The following YTHDF3 variants were observed in gnomAD, a reference collection of about 807,000 sequenced individuals.
YTHDF3 encodes YTH domain-containing family protein 3.
In YTHDF3, 9 loss-of-function variants were observed where a neutral mutation model predicts 52.5. The observed-to-expected ratio is 0.17, with a 90% CI of 0.10 to 0.30. The LOEUF is 0.30. Ranked by LOEUF, YTHDF3 falls within the 10% of genes least tolerant of loss-of-function variation. The probability of loss-of-function intolerance (pLI) is 1.00; values close to 1 mark genes in which losing one functional copy is unlikely to be tolerated. For synonymous variants in YTHDF3, 274 were observed against 243.3 expected (o/e 1.13, Z -1.18); for missense variants, 534 against 715.0 (o/e 0.75, Z 2.89).
chr8:63,180,069 G>A (rs1299635618), intron 3 of YTHDF3, among the ~76,000 whole-genome samples: 1 of 146,232 alleles, frequency 6.8e-6, no homozygotes, highest in African/African-American at 2.5e-5. Context: ...GCTGGGCGGG[G>A]GGCTGACCCC....
intron 4 of YTHDF3, among the ~76,000 whole-genome samples, chr8:63,195,731 C>CGTGT (rs61277098): frequency 0.25 from 36,118 of 145,156 alleles, 4,953 homozygotes; most frequent in Non-Finnish European, 0.33. Flanking sequence ...CATGTATTTA[C>CGTGT]GTGTGTGTGT....
At chr8:63,170,354 T>C (rs534412838) in intron 2 of YTHDF3, among the ~76,000 whole-genome samples, 2 of 152,310 alleles carry the variant, frequency 1.3e-5, no homozygotes, top group African/African-American at 4.8e-5. Context: ...AGGGTATTTA[T>C]TTGCTATTGC....
rs374732701 is a variant in YTHDF3, at chr8:63,184,720, TTGAC to T, written c.136-1424_136-1421del. Among the ~76,000 whole-genome samples, 836 of 152,356 alleles carry T rather than the reference TTGAC, an allele frequency of 5.5e-3. 3 individuals carry two copies. The highest frequency in any genetic ancestry group is 0.019 in the African/African-American group (786 of 41,592). On this transcript the variant is annotated intron_variant, in intron 3 of 4. Coordinates refer to ENST00000539294, the MANE Select transcript of YTHDF3 (RefSeq NM_152758.6). ...GTTAAGAACTTTACTCCAAAGAACT[TTGAC>T]TGTCTCTGTAAATTAGCCTTCAAAA...
intron 3 of YTHDF3, chr8:63,175,686 T>TTG (rs989438098): frequency 1.9e-5 from 5 of 257,752 alleles, no homozygotes; most frequent in Non-Finnish European, 3.8e-5. Context: ...GTTAGGTTTT[T>TTG]TGTGTGTGTG....
Position 63,186,712 on chromosome 8 carries a change from A to C in YTHDF3, c.701A>C (p.Lys234Thr). Reference protein sequence around the residue: ...SVPPVSSAAPKPTSWAAIARK... With the variant: ...SVPPVSSAAPTPTSWAAIARK... Reference sequence around the variant, plus strand: ...CCCCCAGTTAGCAGTGCAGCACCTAAACCAACCTCCTGGGCTGCCATTGCC... The same window carrying C: ...CCCCCAGTTAGCAGTGCAGCACCTACACCAACCTCCTGGGCTGCCATTGCC... The change falls in exon 4 of 5, where the codon AAA becomes ACA. Residue 234 changes from lysine to threonine, a missense_variant. Around this residue, in one of 3 missense-constraint regions of YTHDF3, gnomAD observed 196 missense variants for 299.5 expected, o/e 0.65. Transcript: ENST00000539294. 6.2e-7 allele frequency: 1 copy of C among 1,613,918 alleles called. No homozygotes were observed. The highest frequency in any genetic ancestry group is 8.5e-7 in the Non-Finnish European group (1 of 1,179,870).
chr8:63,204,898 A>C (rs1809913002), intron 4 of YTHDF3, among the ~76,000 whole-genome samples: 1 of 152,232 alleles, frequency 6.6e-6, no homozygotes, highest in African/African-American at 2.4e-5. Context: ...ATTACAAGGA[A>C]AATAAGTCAT....
At chr8:63,176,720 C>T (rs765319087) in intron 3 of YTHDF3, among the ~76,000 whole-genome samples, 44 of 151,450 alleles carry the variant, frequency 2.9e-4, no homozygotes, top group Non-Finnish European at 5.4e-4. Flanking sequence ...TTTTGTTGCC[C>T]AGGCTGGAGT....
At chr8:63,187,939 C>T (rs1464655794) in intron 4 of YTHDF3, among the ~76,000 whole-genome samples, 194 bp downstream of exon 4, 3 of 152,136 alleles carry the variant, frequency 2.0e-5, no homozygotes, top group Non-Finnish European at 2.9e-5. Flanking sequence ...GTAACTCACG[C>T]TGAGTTAGCC....
At chr8:63,208,399 T>A (rs1484514748) in intron 4 of YTHDF3, among the ~76,000 whole-genome samples, 2 of 152,216 alleles carry the variant, frequency 1.3e-5, no homozygotes, top group Non-Finnish European at 2.9e-5. Flanking sequence ...AGAACATGTT[T>A]TACTCATGCA....
chr8:63,178,313 T>C (rs1404951229), intron 3 of YTHDF3, among the ~76,000 whole-genome samples: 1 of 152,190 alleles, frequency 6.6e-6, no homozygotes, highest in East Asian at 1.9e-4. Context: ...GTGTAGCAAC[T>C]AGCACTGTGG....
In YTHDF3 at chr8:63,168,975, C is replaced by G. The variant is rs566352511; in HGVS notation, c.24+74C>G. Reference sequence around the variant, plus strand: ...TCCACCCTCGCGCGGGGCTTCGGCTCCTCCCCGTCGCCGCCGCTGCCGGCC... The same window carrying G: ...TCCACCCTCGCGCGGGGCTTCGGCTGCTCCCCGTCGCCGCCGCTGCCGGCC... On this transcript the variant is annotated intron_variant, in intron 1 of 4. Transcript: ENST00000539294. 3.5e-4 allele frequency: 529 copies of G among 1,521,904 alleles called. 4 individuals are homozygous for G. The African/African-American group carries it at 6.7e-3, about 19-fold the overall frequency. The allele number at this position is 1,521,904 out of a possible 1,614,324, so 94.3% of individuals were successfully genotyped here. A position where few individuals can be genotyped will look rare whatever the true frequency, so the allele number is the denominator to read the frequency against.
At position 63,210,658 on chromosome 8, in the gene YTHDF3, T is replaced by C. The variant is rs1391839414; in HGVS notation, c.*952T>C. 1 of 152,608 alleles carries C rather than the reference T, an allele frequency of 6.6e-6. No individual in the cohort carries two copies. The highest frequency in any genetic ancestry group is 1.5e-5 in the Non-Finnish European group (1 of 68,000). 9.5% of individuals were successfully genotyped at this position (152,608 alleles called of 1,614,324 possible). On this transcript the variant is annotated 3_prime_UTR_variant, in exon 5 of 5. Coordinates refer to ENST00000539294, the MANE Select transcript of YTHDF3 (RefSeq NM_152758.6). ...TAGCAAGCATATGTTGTTCCTCAGC[T>C]CTTTTCTCCAGCTTTTGCAGTGTCC...
chr8:63,168,678 A>G lies in YTHDF3; in HGVS notation c.-200A>G, dbSNP rs1807055396. ...CGAGAAGCAGAGAGCGAGAGGGGGA[A>G]GAGGAGCGTGCAAGCGGAAAAGACG... On this transcript the variant is annotated 5_prime_UTR_variant, in exon 1 of 5. Coordinates refer to ENST00000539294, the MANE Select transcript of YTHDF3 (RefSeq NM_152758.6). 2.2e-6 allele frequency: 2 copies of G among 924,962 alleles called. No homozygotes were observed. Among genetic ancestry groups the G allele is most frequent in the Admixed American group, 2.2e-5 (1 of 44,942 alleles). 57.3% of individuals were successfully genotyped at this position (924,962 alleles called of 1,614,324 possible). A position where few individuals can be genotyped will look rare whatever the true frequency, so the allele number is the denominator to read the frequency against.
chr8:63,176,464 TA>T (rs1807698944), intron 3 of YTHDF3, among the ~76,000 whole-genome samples: 1 of 151,976 alleles, frequency 6.6e-6, no homozygotes, highest in Non-Finnish European at 1.5e-5. Context: ...GTATTTTTAG[TA>T]GAGACAGGGT....
intron 4 of YTHDF3, chr8:63,188,699 ATATTTTTTTTTT>A (rs1269855645): frequency 3.7e-4 from 21 of 56,718 alleles, no homozygotes; most frequent in African/African-American, 1.7e-3. Context: ...ATATATATAT[ATATTTTTTTTTT>A]TTTTTTTTTT....
intron 4 of YTHDF3, 134 bp downstream of exon 4, chr8:63,187,879 A>G: frequency 9.9e-7 from 1 of 1,014,512 alleles, no homozygotes; most frequent in Middle Eastern, 2.2e-4. Flanking sequence ...ACACCCTTGA[A>G]GGTATCTATG....
intron 4 of YTHDF3, among the ~76,000 whole-genome samples, chr8:63,205,621 A>T (rs540897003): frequency 6.6e-6 from 1 of 151,816 alleles, no homozygotes; most frequent in Non-Finnish European, 1.5e-5. Context: ...TTTAATAAAG[A>T]CAGGGTTTCC....
rs757245389 is a variant in YTHDF3, at chr8:63,186,455, T to A, written c.444T>A (p.Ser148Arg). 6.2e-7 allele frequency: 1 copy of A among 1,614,066 alleles called. No individual in the cohort carries two copies. Among genetic ancestry groups the A allele is most frequent in the South Asian group, 1.1e-5 (1 of 91,090 alleles). Residue 148 changes from serine (S) to arginine (R), a missense_variant, in exon 4 of 5, where the codon AGT (serine) becomes AGA (arginine). Ser to Arg is a moderately radical substitution (Grantham distance 110). Around this residue, in one of 3 missense-constraint regions of YTHDF3, gnomAD observed 196 missense variants for 299.5 expected, o/e 0.65. Transcript: ENST00000539294. ...TSGSQGQSTQ[S>R]SAYSSSYGYP... Reference sequence around the variant, plus strand: ...GATCTCAGGGACAATCAACACAAAGTTCTGCTTATAGTAGCAGTTATGGCT... The same window carrying A: ...GATCTCAGGGACAATCAACACAAAGATCTGCTTATAGTAGCAGTTATGGCT...
intron 4 of YTHDF3, among the ~76,000 whole-genome samples, chr8:63,200,730 T>G (rs552345680): frequency 5.9e-5 from 9 of 152,338 alleles, no homozygotes; most frequent in Admixed American, 2.0e-4. Context: ...AAAATTAGAT[T>G]AAAGCCTTAT....
Sources: gnomAD v4.1 joint callset for allele counts (sites outside exome capture counted in the v4.1 genomes callset) on GRCh38, gnomAD v4.1.1 for gene constraint, gnomAD v4.1.1 regional missense constraint, MANE v1.5 for transcripts, NCBI Gene and HGNC (gene_info 2026-07-23, HGNC 2026-07-21) for gene names.